Variants in LAMA3 observed in about 807,000 individuals in gnomAD.
LAMA3 encodes the protein laminin subunit alpha-3.
Under a neutral mutation model 402.0 loss-of-function variants are expected in LAMA3, and 281 were observed. The ratio of observed to expected loss-of-function variants is 0.70; its 90% confidence interval spans 0.63 to 0.77. The LOEUF (loss-of-function observed/expected upper bound fraction) is 0.77, where lower values mean the gene tolerates loss of function less well. Among genes scored for constraint, LAMA3 ranks in the 30% least tolerant of loss-of-function variants. LAMA3 has a pLI of 0.00. For missense variants in LAMA3, 3,840 were observed against 4,215.5 expected (o/e 0.91, Z 2.47); for synonymous variants, 1,431 against 1,558.4 (o/e 0.92, Z 1.93).
At chr18:23,908,112 C>A (rs2059831146) in intron 54 of LAMA3, among the ~76,000 whole-genome samples, 177 bp downstream of exon 54, 1 of 152,128 alleles carries the variant, frequency 6.6e-6, no homozygotes, top group Admixed American at 6.6e-5. Flanking sequence ...TTGGAAGGAC[C>A]AGACAGGATT....
At chr18:23,910,249 G>C (rs1261018045) in intron 55 of LAMA3, among the ~76,000 whole-genome samples, 1 of 152,076 alleles carries the variant, frequency 6.6e-6, no homozygotes, top group Non-Finnish European at 1.5e-5. Context: ...TTCTTGCTCT[G>C]CCTTTGGTGA....
rs779888893 is a variant in LAMA3 at position 23,932,276 on chromosome 18, A to G, written c.8693A>G (p.Asn2898Ser). 41 of 1,613,934 alleles carry G rather than the reference A, an allele frequency of 2.5e-5. No homozygotes were observed. The highest frequency in any genetic ancestry group is 3.1e-5 in the Non-Finnish European group (36 of 1,179,902). Residue 2898 changes from asparagine to serine, a missense_variant, in exon 66 of 75, where the codon AAT (asparagine) becomes AGT (serine). Physicochemically the swap from Asn to Ser is conservative, Grantham distance 46 (BLOSUM62 1). This residue lies in a region of LAMA3 where 840 missense variants were observed against 981.9 expected (regional missense o/e 0.86). Transcript: ENST00000313654. ...GGSNFEGCIS[N>S]VFVQRLSLSP... The stretch of plus-strand genomic sequence containing the variant: ...AGCAATTTTGAGGGTTGTATTAGCA[A>G]TGTTTTTGTCCAGAGGTAGGTGATC...
intron 2 of LAMA3, among the ~76,000 whole-genome samples, chr18:23,730,759 G>C (rs1206869821): frequency 6.6e-6 from 1 of 152,084 alleles, no homozygotes; most frequent in Non-Finnish European, 1.5e-5. Context: ...TTTCATTTCA[G>C]TGATACATTT....
Position 23,876,426 on chromosome 18 carries a change from T to C in LAMA3, c.5112+19T>C, listed in dbSNP as rs1301530280. 5 of 1,461,514 alleles carry C rather than the reference T, an allele frequency of 3.4e-6. No individual in the cohort carries two copies. Among genetic ancestry groups the C allele is most frequent in the South Asian group, 1.1e-5 (1 of 87,872 alleles). 90.5% of individuals were successfully genotyped at this position (1,461,514 alleles called of 1,614,324 possible). A position where few individuals can be genotyped will look rare whatever the true frequency, so the allele number is the denominator to read the frequency against. ...ATGTGTTGTGAGTAAATTGACACTT[T>C]AATGCTATCAGCAGACAATCTGTTT... On this transcript the variant is annotated intron_variant, in intron 39 of 74. Transcript: ENST00000313654.
intron 17 of LAMA3, 106 bp from the exon 18 acceptor site, chr18:23,816,282 G>C: frequency 1.2e-6 from 1 of 808,326 alleles, no homozygotes; most frequent in Non-Finnish European, 2.1e-6. Flanking sequence ...AAAGAAGGCA[G>C]GCACTGTGTC....
In LAMA3 at chr18:23,810,447, C is replaced by T; in HGVS notation, c.1685C>T (p.Thr562Ile). The change falls in exon 13 of 75, where the codon ACA becomes ATA. Residue 562 changes from threonine to isoleucine, a missense_variant. Thr to Ile is a moderately conservative substitution (Grantham distance 89). Around this residue, in one of 3 missense-constraint regions of LAMA3, gnomAD observed 2,109 missense variants for 2,376.0 expected, o/e 0.89. Transcript: ENST00000313654. The stretch of plus-strand genomic sequence containing the variant: ...CAGTGTGAATGTCGGCCAGGAGTTA[C>T]AGGACAGCGGTGTGACAGGTGTCTC... The part of the protein sequence containing the change: ...TGQCECRPGV[T>I]GQRCDRCLSG... 1 of 1,614,172 alleles carries T rather than the reference C, an allele frequency of 6.2e-7. No homozygotes were observed. Among genetic ancestry groups the T allele is most frequent in the South Asian group, 1.1e-5 (1 of 91,072 alleles).
intron 23 of LAMA3, among the ~76,000 whole-genome samples, chr18:23,829,652 GGTACAA>G (rs1220559341): frequency 1.3e-5 from 2 of 151,948 alleles, no homozygotes; most frequent in African/African-American, 2.4e-5. Flanking sequence ...TATATTTAGG[GGTACAA>G]GTACAAGTTT....
chr18:23,720,887 T>A (rs892360995), intron 2 of LAMA3, among the ~76,000 whole-genome samples: 2 of 152,182 alleles, frequency 1.3e-5, no homozygotes, highest in Non-Finnish European at 2.9e-5. Flanking sequence ...CTGGGTGCAG[T>A]GTCTCATGTC....
At chr18:23,755,111 C>T (rs904021293) in intron 6 of LAMA3, among the ~76,000 whole-genome samples, 2 of 152,194 alleles carry the variant, frequency 1.3e-5, no homozygotes, top group African/African-American at 4.8e-5. Context: ...CCTGTAATCT[C>T]CTATCTCCCT....
At chr18:23,708,298 G>T (rs1285366562) in intron 1 of LAMA3, among the ~76,000 whole-genome samples, 2 of 152,140 alleles carry the variant, frequency 1.3e-5, no homozygotes, top group Admixed American at 6.5e-5. Context: ...ATTCCTTGAA[G>T]GGCAAGTTTC....
chr18:23,833,169 T>C (rs888217702), intron 23 of LAMA3, among the ~76,000 whole-genome samples: 6 of 152,206 alleles, frequency 3.9e-5, no homozygotes, highest in African/African-American at 1.2e-4. Context: ...TAAATATTTT[T>C]GGTTTTGCAG....
At chr18:23,949,556 A>G (rs146903959) in intron 70 of LAMA3, among the ~76,000 whole-genome samples, 2 of 152,208 alleles carry the variant, frequency 1.3e-5, no homozygotes, top group Non-Finnish European at 2.9e-5. Flanking sequence ...AACATCTGGT[A>G]TACAGGTTTT....
chr18:23,807,968 G>A (rs191929159), intron 12 of LAMA3, among the ~76,000 whole-genome samples: 3 of 152,330 alleles, frequency 2.0e-5, no homozygotes, highest in African/African-American at 7.2e-5. Flanking sequence ...AGAGAAGACA[G>A]GTGGAAATGG....
In LAMA3 at chr18:23,855,879, A is replaced by G. The variant is rs542415342; in HGVS notation, c.4137-1965A>G. On this transcript the variant is annotated intron_variant, in intron 32 of 74. Transcript: ENST00000313654. ...GAGAGGGATGGGGCTGAAAGATGCA[A>G]CTTGCCAGGAGGTCTTGCAAGTAAT... 7.6e-4 allele frequency among the ~76,000 whole-genome samples: 116 copies of G among 152,226 alleles called. 1 individual carries two copies. Among genetic ancestry groups the G allele is most frequent in the Non-Finnish European group, 1.1e-3 (75 of 68,022 alleles).
At chr18:23,740,857 C>G (rs1368354736) in intron 2 of LAMA3, among the ~76,000 whole-genome samples, 1 of 152,132 alleles carries the variant, frequency 6.6e-6, no homozygotes, top group African/African-American at 2.4e-5. Context: ...CTCTAAGTTT[C>G]TGGAGTGATC....
At chr18:23,863,803 CCTT>C (rs2064284289) in intron 35 of LAMA3, among the ~76,000 whole-genome samples, 1 of 152,156 alleles carries the variant, frequency 6.6e-6, no homozygotes, top group African/African-American at 2.4e-5. Context: ...GTCACTTCTT[CCTT>C]CTTGATTGTG....
intron 36 of LAMA3, among the ~76,000 whole-genome samples, chr18:23,867,166 C>T (rs2064378312): frequency 6.6e-6 from 1 of 152,090 alleles, no homozygotes; most frequent in Admixed American, 6.5e-5. Context: ...TCCTCAGTAA[C>T]CCACCCACCA....
intron 69 of LAMA3, 102 bp downstream of exon 69, chr18:23,944,073 G>A (rs2145506550): frequency 1.7e-6 from 2 of 1,169,146 alleles, no homozygotes; most frequent in Non-Finnish European, 2.5e-6. Context: ...ATGAGGGCGT[G>A]GAGTGGGAGA....
chr18:23,840,592 G>A (rs752355910), intron 27 of LAMA3, among the ~76,000 whole-genome samples: 11 of 151,508 alleles, frequency 7.3e-5, no homozygotes, highest in Non-Finnish European at 1.6e-4. Context: ...TTGCTATGTT[G>A]CCCAGGTTGG....
Sources: allele counts gnomAD v4.1 joint callset (sites outside exome capture counted in the v4.1 genomes callset), GRCh38; gene constraint gnomAD v4.1.1; regional missense constraint gnomAD v4.1.1; transcripts MANE v1.5; gene names NCBI Gene and HGNC (gene_info 2026-07-23, HGNC 2026-07-21).